ZNF618: variants seen among roughly 807,000 people sequenced by gnomAD.
ZNF618 encodes the protein zinc finger protein 618.
Under a neutral mutation model 103.0 loss-of-function variants are expected in ZNF618, and 34 were observed. The observed-to-expected ratio is 0.33, with a 90% CI of 0.25 to 0.44. The LOEUF (loss-of-function observed/expected upper bound fraction) is 0.44. Ranked by LOEUF, ZNF618 falls within the 20% of genes least tolerant of loss-of-function variation. The probability of loss-of-function intolerance (pLI) is 1.00; values close to 1 mark genes in which losing one functional copy is unlikely to be tolerated. For synonymous variants in ZNF618, 551 were observed against 542.2 expected, an observed-to-expected ratio of 1.02 and a Z score of -0.23; for missense variants, 1,059 against 1,295.4, an observed-to-expected ratio of 0.82 and a Z score of 2.80.
At chr9:114,046,696 G>T (rs1357727778) in intron 13 of ZNF618, among the ~76,000 whole-genome samples, 2 of 152,094 alleles carry the variant, frequency 1.3e-5, no homozygotes, top group Non-Finnish European at 2.9e-5. Flanking sequence ...CTCTTTATTA[G>T]GTTGGAAAAC....
chr9:113,916,931 G>A (rs905948149), intron 1 of ZNF618, among the ~76,000 whole-genome samples: 2 of 152,166 alleles, frequency 1.3e-5, no homozygotes, highest in Admixed American at 6.5e-5. Flanking sequence ...ACTGGCTCGA[G>A]GACTGAATCT....
chr9:113,880,015 C>G (rs1374719081), intron 1 of ZNF618, among the ~76,000 whole-genome samples: 5 of 152,134 alleles, frequency 3.3e-5, no homozygotes, highest in Non-Finnish European at 7.4e-5. Flanking sequence ...TGGCTTGTTT[C>G]ACTTGAGAAA....
intron 1 of ZNF618, among the ~76,000 whole-genome samples, chr9:113,914,376 C>T (rs1831861859): frequency 6.6e-6 from 1 of 152,104 alleles, no homozygotes; most frequent in African/African-American, 2.4e-5. Context: ...ATATAGGCAC[C>T]TTGGGGCTCT....
At chr9:113,894,760 T>C (rs1829896059) in intron 1 of ZNF618, among the ~76,000 whole-genome samples, 1 of 152,184 alleles carries the variant, frequency 6.6e-6, no homozygotes, top group Non-Finnish European at 1.5e-5. Flanking sequence ...TTTTGCCTAA[T>C]TAATGTGGGT....
rs1435305807 is a variant in ZNF618 at position 114,053,542 on chromosome 9, C to A, written c.*3375C>A. On this transcript the variant is annotated 3_prime_UTR_variant, in exon 15 of 15. Coordinates refer to ENST00000374126, the MANE Select transcript of ZNF618 (RefSeq NM_001318042.2). The stretch of plus-strand genomic sequence containing the variant: ...GACCCAAAAGGGGAGGTGAAGAAAA[C>A]ACACCTCCACCTGGCAAGTTTTTCT... 3 of 152,208 alleles carry A rather than the reference C, an allele frequency of 2.0e-5. No individual in the cohort carries two copies. Among genetic ancestry groups the A allele is most frequent in the South Asian group, 4.1e-4 (2 of 4,820 alleles). 9.4% of individuals were successfully genotyped at this position (152,208 alleles called of 1,614,324 possible).
At chr9:114,038,210 C>T (rs1588431000) in intron 13 of ZNF618, among the ~76,000 whole-genome samples, 2 of 152,210 alleles carry the variant, frequency 1.3e-5, no homozygotes, top group African/African-American at 2.4e-5. Context: ...TCTGAATCCT[C>T]GGCACTCTGC....
At chr9:113,941,062 T>A (rs1174984121) in intron 1 of ZNF618, among the ~76,000 whole-genome samples, 1 of 152,100 alleles carries the variant, frequency 6.6e-6, no homozygotes, top group African/African-American at 2.4e-5. Context: ...TTCCTCTCCT[T>A]TCTGCTTGTC....
chr9:114,054,833 C>T lies in ZNF618; in HGVS notation c.*4666C>T, dbSNP rs1250715736. On this transcript the variant is annotated 3_prime_UTR_variant, in exon 15 of 15. Transcript: ENST00000374126. ...TGGTCGGGGGAGCCCTGGCTTTCAC[C>T]AAAGGAGCCCAGTGGTTTCTGTGGA... The T allele has an allele frequency of 2.6e-5, 4 of 152,388 alleles. No homozygotes were observed. The highest frequency in any genetic ancestry group is 4.4e-5 in the Non-Finnish European group (3 of 68,062). 9.4% of individuals were successfully genotyped at this position (152,388 alleles called of 1,614,324 possible). A position where few individuals can be genotyped will look rare whatever the true frequency, so the allele number is the denominator to read the frequency against.
intron 9 of ZNF618, among the ~76,000 whole-genome samples, chr9:114,015,060 G>A (rs959631249): frequency 6.6e-6 from 1 of 151,950 alleles, no homozygotes; most frequent in African/African-American, 2.4e-5. Flanking sequence ...AGGTTGTATA[G>A]AATTTAAATA....
At chr9:113,947,113 G>A (rs756944978) in intron 1 of ZNF618, among the ~76,000 whole-genome samples, 1 of 152,164 alleles carries the variant, frequency 6.6e-6, no homozygotes, top group Non-Finnish European at 1.5e-5. Context: ...GCCTGCTGCA[G>A]AGGAGGGGCT....
rs550410555 is a variant in ZNF618 at position 114,055,893 on chromosome 9, A to C, written c.*5726A>C. 6.6e-6 allele frequency: 1 copy of C among 152,612 alleles called. No individual in the cohort carries two copies. Among genetic ancestry groups the C allele is most frequent in the South Asian group, 2.1e-4 (1 of 4,794 alleles). 9.5% of individuals were successfully genotyped at this position (152,612 alleles called of 1,614,324 possible). On this transcript the variant is annotated 3_prime_UTR_variant, in exon 15 of 15. Coordinates refer to ENST00000374126, the MANE Select transcript of ZNF618 (RefSeq NM_001318042.2). ...TTTTGTAGCAACACAATATTTTTAT[A>C]AACAGCCGGTGCTTGGCTCAAGTCT... is the stretch of plus-strand genomic sequence containing the variant.
chr9:113,915,328 C>T (rs181343913), intron 1 of ZNF618, among the ~76,000 whole-genome samples: 5 of 152,220 alleles, frequency 3.3e-5, no homozygotes, highest in Admixed American at 6.5e-5. Flanking sequence ...TGTTGACATC[C>T]GCTACTGTCA....
rs751546912 is a variant in ZNF618 at position 114,008,493 on chromosome 9, TGTC to T, written c.696_698del (p.Val233del). 1 of 1,613,830 alleles carries T rather than the reference TGTC, an allele frequency of 6.2e-7. No individual in the cohort carries two copies. On this transcript the variant is annotated inframe_deletion, in exon 9 of 15. Coordinates refer to ENST00000374126, the MANE Select transcript of ZNF618 (RefSeq NM_001318042.2). ...CTCCCACAGACCCCTTCGACCAAGGTGTCGTGGCCACGGACGAGGTGAAGGAGG... is the reference window on the plus strand; with the variant it reads ...CTCCCACAGACCCCTTCGACCAAGGTGTGGCCACGGACGAGGTGAAGGAGG...
intron 2 of ZNF618, among the ~76,000 whole-genome samples, chr9:113,976,644 C>T (rs141206985): frequency 4.7e-4 from 72 of 152,208 alleles, no homozygotes; most frequent in African/African-American, 1.7e-3. Flanking sequence ...GTGGGTCTCC[C>T]GTCTCTCCTC....
At chr9:113,915,790 A>G (rs933662622) in intron 1 of ZNF618, among the ~76,000 whole-genome samples, 2 of 152,118 alleles carry the variant, frequency 1.3e-5, no homozygotes, top group African/African-American at 4.8e-5. Flanking sequence ...GATACTAGCT[A>G]TTCTTGTGGA....
At chr9:113,953,399 T>C (rs777723903) in intron 1 of ZNF618, among the ~76,000 whole-genome samples, 5 of 152,208 alleles carry the variant, frequency 3.3e-5, no homozygotes, top group Non-Finnish European at 7.3e-5. Flanking sequence ...AATGAATTTT[T>C]CCTCAAAAGT....
At chr9:113,975,840 T>C (rs1283409151) in intron 2 of ZNF618, among the ~76,000 whole-genome samples, 3 of 152,128 alleles carry the variant, frequency 2.0e-5, no homozygotes. Context: ...TCATCTTGAC[T>C]CTAGATTTAT....
At chr9:113,942,534 A>T (rs1029685929) in intron 1 of ZNF618, among the ~76,000 whole-genome samples, 1 of 152,168 alleles carries the variant, frequency 6.6e-6, no homozygotes, top group Non-Finnish European at 1.5e-5. Flanking sequence ...TCTTCTCTGT[A>T]TCCATAGCCA....
chr9:113,878,712 GAA>G (rs1828199687), intron 1 of ZNF618, among the ~76,000 whole-genome samples: 1 of 152,174 alleles, frequency 6.6e-6, no homozygotes, highest in Non-Finnish European at 1.5e-5. Flanking sequence ...CCTTGGATTG[GAA>G]ATTGATGGTG....
Sources: allele counts gnomAD v4.1 joint callset (sites outside exome capture counted in the v4.1 genomes callset), GRCh38; gene constraint gnomAD v4.1.1; transcripts MANE v1.5; gene names NCBI Gene and HGNC (gene_info 2026-07-23, HGNC 2026-07-21).